The following KANSL1 variants were observed in gnomAD, a reference collection of about 807,000 sequenced individuals.
KANSL1 encodes the protein MLL1/MLL complex subunit KANSL1.
In KANSL1, 22 loss-of-function variants were observed where a neutral mutation model predicts 103.6. The observed-to-expected ratio is 0.21, with a 90% CI of 0.15 to 0.30. The LOEUF (loss-of-function observed/expected upper bound fraction) is 0.30, where lower values mean the gene tolerates loss of function less well. Among genes scored for constraint, KANSL1 ranks in the 10% least tolerant of loss-of-function variants. The pLI is 1.00. For missense variants in KANSL1, 1,337 were observed against 1,399.8 expected, an observed-to-expected ratio of 0.96 and a Z score of 0.72; for synonymous variants, 600 against 527.6, an observed-to-expected ratio of 1.14 and a Z score of -1.88.
intron 1 of KANSL1, among the ~76,000 whole-genome samples, chr17:46,204,369 G>A (rs1354607403): frequency 3.9e-5 from 6 of 152,210 alleles, no homozygotes; most frequent in Admixed American, 2.0e-4. Flanking sequence ...GGAGGCTGAG[G>A]CATAAGAATC....
chr17:46,195,214 T>C (rs2147953099), upstream of KANSL1, among the ~76,000 whole-genome samples: 1 of 152,288 alleles, frequency 6.6e-6, no homozygotes, highest in East Asian at 1.9e-4. Flanking sequence ...GAATGAAAAA[T>C]ACCAAATAAG....
intron 2 of KANSL1, among the ~76,000 whole-genome samples, chr17:46,166,800 C>T (rs1472347063): frequency 1.3e-5 from 2 of 152,254 alleles, no homozygotes; most frequent in Non-Finnish European, 2.9e-5. Flanking sequence ...TGAACAATTA[C>T]AGCACCCAGG....
In KANSL1 at chr17:46,171,858, A is replaced by G. The variant is rs140268765; in HGVS notation, c.286T>C (p.Leu96=). 4.2e-4 allele frequency: 676 copies of G among 1,613,984 alleles called. No individual in the cohort carries two copies. Among genetic ancestry groups the G allele is most frequent in the Non-Finnish European group, 5.4e-4 (642 of 1,179,784 alleles). ...DVTSVPSKES[L]KLQGVFSKQT... ...TTGCTGAAGACCCCTTGCAACTTCA[A>G]AGACTCCTTTGAGGGAACAGATGTT... Residue 96 remains leucine (L), a synonymous_variant, in exon 2 of 15, where the codon TTG becomes CTG. Coordinates refer to ENST00000432791, the MANE Select transcript of KANSL1 (RefSeq NM_015443.4).
chr17:46,109,667 C>T (rs774149727), intron 2 of KANSL1, among the ~76,000 whole-genome samples: 3 of 152,122 alleles, frequency 2.0e-5, no homozygotes, highest in Non-Finnish European at 4.4e-5. Flanking sequence ...GATATCACTC[C>T]CAGGGTGGCT....
At chr17:46,034,863 G>A (rs2077102847) in intron 10 of KANSL1, 1 of 152,560 alleles carries the variant, frequency 6.6e-6, no homozygotes, top group Admixed American at 6.5e-5. Context: ...CCCCTCTTTT[G>A]ATGATTCTTG....
intron 6 of KANSL1, among the ~76,000 whole-genome samples, chr17:46,053,044 T>C (rs573230355): frequency 2.2e-5 from 3 of 139,222 alleles, no homozygotes; most frequent in Admixed American, 7.4e-5. Flanking sequence ...TCCCAGTACT[T>C]TGGGAGGCCA....
intron 3 of KANSL1, among the ~76,000 whole-genome samples, chr17:46,091,812 A>AGTATGTATGTATGTATGTATGTATGTAT (rs149207902): frequency 6.9e-4 from 105 of 151,618 alleles, no homozygotes; most frequent in African/African-American, 2.2e-3. Flanking sequence ...TATATATGTA[A>AGTATGTATGTATGTATGTATGTATGTAT]GTATGTATGT....
intron 1 of KANSL1, among the ~76,000 whole-genome samples, chr17:46,175,249 G>A (rs919330277): frequency 5.3e-5 from 8 of 151,468 alleles, no homozygotes; most frequent in African/African-American, 1.5e-4. Flanking sequence ...TCAAATAAAT[G>A]ACTGAGAAAA....
At chr17:46,158,461 C>A (rs35321809) in intron 2 of KANSL1, among the ~76,000 whole-genome samples, 46,369 of 151,140 alleles carry the variant, frequency 0.31, 8,406 homozygotes, top group South Asian at 0.6. Context: ...CTCCCAGGTT[C>A]AAGTGATTCT....
intron 4 of KANSL1, among the ~76,000 whole-genome samples, chr17:46,080,121 G>A (rs1164503527): frequency 6.6e-6 from 1 of 151,860 alleles, no homozygotes; most frequent in Non-Finnish European, 1.5e-5. Context: ...GTTAATTCCA[G>A]CTGAGTTTCA....
chr17:46,201,058 C>T (rs1328839444), intron 1 of KANSL1, among the ~76,000 whole-genome samples: 1 of 152,094 alleles, frequency 6.6e-6, no homozygotes, highest in African/African-American at 2.4e-5. Context: ...ACTACAGGCG[C>T]GTACCACCAT....
intron 6 of KANSL1, among the ~76,000 whole-genome samples, chr17:46,060,623 CA>C (rs1444966448): frequency 6.6e-6 from 1 of 152,184 alleles, no homozygotes; most frequent in Admixed American, 6.5e-5. Flanking sequence ...AGGTCTATTG[CA>C]CTCTGTCAAG....
intron 2 of KANSL1, among the ~76,000 whole-genome samples, chr17:46,166,119 A>C (rs769931517): frequency 1.6e-4 from 24 of 151,604 alleles, no homozygotes; most frequent in Admixed American, 5.3e-4. Context: ...AGGCTGAGGC[A>C]GAAGAATTGC....
At chr17:46,039,488 G>A in intron 8 of KANSL1, 1 of 619,330 alleles carries the variant, frequency 1.6e-6, no homozygotes, top group Non-Finnish European at 2.7e-6. Context: ...TGAGCATTTT[G>A]GGTCTTGCTC....
At chr17:46,180,712 A>G (rs903861500) in intron 1 of KANSL1, among the ~76,000 whole-genome samples, 12 of 152,018 alleles carry the variant, frequency 7.9e-5, no homozygotes, top group African/African-American at 2.9e-4. Context: ...AAACAAAGAC[A>G]GCAGAGGCCA....
At chr17:46,169,783 T>C (rs2046187474) in intron 2 of KANSL1, among the ~76,000 whole-genome samples, 1 of 152,210 alleles carries the variant, frequency 6.6e-6, no homozygotes, top group Non-Finnish European at 1.5e-5. Flanking sequence ...AGATGCTGAA[T>C]TGGGAGTGAC....
At chr17:46,167,159 T>A (rs1014049976) in intron 2 of KANSL1, among the ~76,000 whole-genome samples, 1 of 150,536 alleles carries the variant, frequency 6.6e-6, no homozygotes, top group African/African-American at 2.5e-5. Context: ...GGAAAAAAAA[T>A]ATTATTTTAA....
chr17:46,126,661 G>T (rs1277235612), intron 2 of KANSL1, among the ~76,000 whole-genome samples: 1 of 152,044 alleles, frequency 6.6e-6, no homozygotes, highest in Non-Finnish European at 1.5e-5. Flanking sequence ...GTGAGTTTTA[G>T]GCCTAGGTCT....
intron 2 of KANSL1, among the ~76,000 whole-genome samples, chr17:46,142,901 A>AAT (rs1453555682): frequency 5.3e-5 from 8 of 152,246 alleles, no homozygotes; most frequent in African/African-American, 1.7e-4. Context: ...AATATAAATA[A>AAT]ATACAAAAAG....
Sources: gnomAD v4.1 joint callset for allele counts (sites outside exome capture counted in the v4.1 genomes callset) on GRCh38, gnomAD v4.1.1 for gene constraint, MANE v1.5 for transcripts, NCBI Gene and HGNC (gene_info 2026-07-23, HGNC 2026-07-21) for gene names.